The following RIF1 variants were observed in gnomAD, a reference collection of about 807,000 sequenced individuals.
RIF1 encodes the protein telomere-associated protein RIF1.
A neutral mutation model predicts 247.1 loss-of-function variants in RIF1; 45 were observed. The ratio of observed to expected loss-of-function variants is 0.18; its 90% CI spans 0.14 to 0.23. The LOEUF is 0.23. Ranked by LOEUF, RIF1 falls within the 10% of genes least tolerant of loss-of-function variation. The pLI, the probability that RIF1 is intolerant of heterozygous loss-of-function variation, is 1.00. For missense variants in RIF1, 2,967 were observed against 2,862.5 expected, an observed-to-expected ratio of 1.04 and a Z score of -0.83; for synonymous variants, 1,087 against 978.8, an observed-to-expected ratio of 1.11 and a Z score of -2.06.
Position 151,410,450 on chromosome 2 carries a change from C to T in RIF1, c.27C>T (p.Leu9=), listed in dbSNP as rs769432704. The change falls in exon 2 of 36, where the codon CTC becomes CTT. Residue 9 remains leucine, a synonymous_variant. Transcript: ENST00000444746. ...TGACGGCCAGGGGTCAGAGCCCCCT[C>T]GCGCCGCTGTTGGAGACTTTGGAAG... MTARGQSP[L]APLLETLEDP... is the part of the protein sequence containing the mutation. The T allele has an allele frequency of 1.2e-6, 2 of 1,614,002 alleles. No homozygotes were observed. Among genetic ancestry groups the T allele is most frequent in the East Asian group, 2.2e-5 (1 of 44,852 alleles).
At chr2:151,425,680 TTTG>T (rs1688935425) in intron 8 of RIF1, among the ~76,000 whole-genome samples, 1 of 146,370 alleles carries the variant, frequency 6.8e-6, no homozygotes, top group African/African-American at 2.5e-5. Flanking sequence ...TTTTTTTTTT[TTTG>T]TGAGACAGAG....
chr2:151,469,948 A>G (rs886093324), intron 34 of RIF1, 84 bp downstream of exon 34: 133 of 918,130 alleles, frequency 1.4e-4, no homozygotes, highest in Non-Finnish European at 9.5e-5. Context: ...AGATCACTTC[A>G]TAATGGCACA....
intron 20 of RIF1, among the ~76,000 whole-genome samples, chr2:151,447,966 G>A (rs1693612118): frequency 6.6e-6 from 1 of 152,002 alleles, no homozygotes; most frequent in African/African-American, 2.4e-5. Context: ...GATATTTGTT[G>A]TGCCTGTTTT....
In RIF1 at chr2:151,460,000, A is replaced by G. The variant is rs61748230; in HGVS notation, c.2956A>G (p.Thr986Ala). 6,491 of 1,529,338 alleles carry G rather than the reference A, an allele frequency of 4.2e-3. 18 individuals are homozygous for G. Among genetic ancestry groups the G allele is most frequent in the Non-Finnish European group, 5.0e-3 (5,635 of 1,135,188 alleles). The allele number at this position is 1,529,338 out of a possible 1,614,324, so 94.7% of individuals were successfully genotyped here. ...EESSGPYSDGTENSQLNVKIS... is the reference protein window; with the variant it reads ...EESSGPYSDGAENSQLNVKIS... ...AATTGTTTCATTTTTAATAAAACAG[A>G]CAGAAAATTCACAACTAAATGTGAA... The change falls in exon 26 of 36, where the codon ACA becomes GCA. Residue 986 changes from threonine to alanine, a missense_variant and splice_region_variant. Thr to Ala is a moderately conservative substitution (Grantham distance 58, BLOSUM62 0). Around this residue, in one of 7 missense-constraint regions of RIF1, gnomAD observed 2,028 missense variants for 1,825.6 expected, o/e 1.11. Transcript: ENST00000444746.
chr2:151,521,532 A>C, the RIF1 span, among the ~76,000 whole-genome samples: 1 of 152,234 alleles, frequency 6.6e-6, no homozygotes, highest in Admixed American at 6.5e-5. Flanking sequence ...GAGTTGTGAA[A>C]CACAGAAAAG....
Position 151,496,980 on chromosome 2 carries a change from C to T in RIF1, c.*513+1654C>T. On this transcript the variant is annotated intron_variant and NMD_transcript_variant, in intron 10 of 13. Transcript: ENST00000454583. ...CTTGATTGTGTTTGACTCTCTCCATCTCAGGAGTGACAGGTAGAGGGGTTC... is the reference window on the plus strand; with the variant it reads ...CTTGATTGTGTTTGACTCTCTCCATTTCAGGAGTGACAGGTAGAGGGGTTC... 6.3e-7 allele frequency: 1 copy of T among 1,581,708 alleles called. No homozygotes were observed. Among genetic ancestry groups the T allele is most frequent in the Non-Finnish European group, 8.6e-7 (1 of 1,161,718 alleles).
intron 9 of RIF1, chr2:151,494,988 A>AAAC (rs1310764972): frequency 6.6e-6 from 1 of 152,470 alleles, no homozygotes; most frequent in African/African-American, 2.4e-5. Context: ...TGCAGCACTT[A>AAAC]AACTCTCATA....
At chr2:151,411,172 A>C in intron 2 of RIF1, 88 bp from the exon 3 acceptor site, 2 of 830,800 alleles carry the variant, frequency 2.4e-6, no homozygotes, top group South Asian at 1.6e-5. Flanking sequence ...TTAGAAAGTA[A>C]TTTTTAAAAA....
chr2:151,451,106 T>G (rs1412857526), intron 20 of RIF1, among the ~76,000 whole-genome samples: 2 of 152,178 alleles, frequency 1.3e-5, no homozygotes, highest in Admixed American at 1.3e-4. Flanking sequence ...TGAAAAAGAT[T>G]TGTAATCATG....
chr2:151,512,617 C>G, downstream of RIF1: 1 of 822,428 alleles, frequency 1.2e-6, no homozygotes. Flanking sequence ...CCTGGTGAAT[C>G]TCTTTTTTAT....
chr2:151,513,622 C>T, the RIF1 span: 24 of 1,610,258 alleles, frequency 1.5e-5, no homozygotes, highest in South Asian at 1.1e-4. Flanking sequence ...TCATAAAATC[C>T]GGAGTTTCAT....
At chr2:151,504,395 G>A (rs1295727864) in intron 12 of RIF1, among the ~76,000 whole-genome samples, 1 of 152,120 alleles carries the variant, frequency 6.6e-6, no homozygotes, top group Admixed American at 6.5e-5. Context: ...CAAAATTAAA[G>A]AAAACCAAGA....
At chr2:151,449,521 T>C (rs2432944) in intron 20 of RIF1, among the ~76,000 whole-genome samples, 101,842 of 151,850 alleles carry the variant, frequency 0.67, 34,459 homozygotes, top group East Asian at 0.78. Flanking sequence ...ACAGGCACCA[T>C]GCACACTACA....
chr2:151,447,621 C>G (rs1244429305), intron 20 of RIF1, among the ~76,000 whole-genome samples: 1 of 152,172 alleles, frequency 6.6e-6, no homozygotes, highest in Non-Finnish European at 1.5e-5. Context: ...TCTCAGCTCA[C>G]TGCAGCCTCC....
chr2:151,529,284 T>G, the RIF1 span: 11 of 1,613,392 alleles, frequency 6.8e-6, no homozygotes, highest in Non-Finnish European at 9.3e-6. Context: ...CAGTTGGATT[T>G]ATTTCTTTGG....
chr2:151,483,153 A>G (rs2049236063), downstream of RIF1: 1 of 152,150 alleles, frequency 6.6e-6, no homozygotes, highest in African/African-American at 2.4e-5. Flanking sequence ...TTTGAGTGAG[A>G]TTTGATTGAG....
chr2:151,430,843 G>A (rs933742280), intron 9 of RIF1, among the ~76,000 whole-genome samples: 1 of 151,936 alleles, frequency 6.6e-6, no homozygotes. Context: ...TTGTAGAGGC[G>A]GGATTTGACC....
chr2:151,421,220 C>T (rs1045831918), intron 7 of RIF1, among the ~76,000 whole-genome samples: 1 of 152,114 alleles, frequency 6.6e-6, no homozygotes, highest in Non-Finnish European at 1.5e-5. Context: ...TAATTAAGTA[C>T]ATAGTGTAGT....
intron 9 of RIF1, chr2:151,492,349 A>T (rs890252099): frequency 6.3e-7 from 1 of 1,589,402 alleles, no homozygotes; most frequent in South Asian, 1.1e-5. Context: ...ACACATTCTG[A>T]CAGGCAGCCA....
Sources: allele counts gnomAD v4.1 joint callset (sites outside exome capture counted in the v4.1 genomes callset), GRCh38; gene constraint gnomAD v4.1.1; regional missense constraint gnomAD v4.1.1; transcripts MANE v1.5; gene names NCBI Gene and HGNC (gene_info 2026-07-23, HGNC 2026-07-21).